Variants in GNA14 observed in about 807,000 individuals in gnomAD.
The protein encoded by GNA14 is guanine nucleotide-binding protein subunit alpha-14.
GNA14 carries 50 observed loss-of-function variants against 42.0 expected under a neutral mutation model. The observed-to-expected ratio is 1.19, with a 90% CI of 0.95 to 1.51. The LOEUF is 1.51. Ranked by LOEUF, GNA14 falls within the 40% of genes most tolerant of loss-of-function variation. The pLI is 0.00. For synonymous variants in GNA14, 173 were observed against 163.1 expected (o/e 1.06, Z -0.46); for missense variants, 473 against 446.2 (o/e 1.06, Z -0.54).
chr9:77,636,821 A>T (rs1443376047), intron 1 of GNA14, among the ~76,000 whole-genome samples: 1 of 152,216 alleles, frequency 6.6e-6, no homozygotes, highest in East Asian at 1.9e-4. Flanking sequence ...AATTTTCAAC[A>T]TGAGATTTGA....
intron 5 of GNA14, 104 bp downstream of exon 5, chr9:77,428,803 T>C (rs544835018): frequency 8.8e-7 from 1 of 1,141,160 alleles, no homozygotes; most frequent in Non-Finnish European, 1.3e-6. Context: ...AGCAAGACTG[T>C]TTGACCTAAT....
Position 77,489,509 on chromosome 9 carries a change from G to A in GNA14, c.309+39560C>T, listed in dbSNP as rs139011916. ...TCAAAAGCAAAGGACAAGTGTGTCC[G>A]GAATTGGTGGGTTCTTGGTTCCACT... is the stretch of plus-strand genomic sequence containing the variant. On this transcript the variant is annotated intron_variant, in intron 2 of 6. Coordinates refer to ENST00000341700, the MANE Select transcript of GNA14 (RefSeq NM_004297.4). Among the ~76,000 whole-genome samples, 13 of 152,338 alleles carry A rather than the reference G, an allele frequency of 8.5e-5. No individual in the cohort carries two copies. The South Asian group carries it at 1.7e-3, about 19-fold the overall frequency.
In GNA14 at chr9:77,431,375, A is replaced by C; in HGVS notation, c.539T>G (p.Val180Gly). 1 of 1,613,662 alleles carries C rather than the reference A, an allele frequency of 6.2e-7. No individual in the cohort carries two copies. Among genetic ancestry groups the C allele is most frequent in the African/African-American group, 1.3e-5 (1 of 75,034 alleles). ...ATACTCAATGATGCCGGTGGTGGGC[A>C]CTCGGACGCGAAGCACATCTTGTTG... ...PTQQDVLRVR[V>G]PTTGIIEYPF... Residue 180 changes from valine (V) to glycine (G), a missense_variant, in exon 4 of 7, where the codon GTG becomes GGG. Val to Gly is a moderately radical substitution (Grantham distance 109). Coordinates refer to ENST00000341700, the MANE Select transcript of GNA14 (RefSeq NM_004297.4).
At chr9:77,451,728 A>G (rs1835904794) in intron 2 of GNA14, among the ~76,000 whole-genome samples, 2 of 152,218 alleles carry the variant, frequency 1.3e-5, no homozygotes, top group Non-Finnish European at 2.9e-5. Context: ...GCCAACGTGC[A>G]GCAAAGCTGC....
chr9:77,448,694 T>C (rs1835861776), intron 2 of GNA14, among the ~76,000 whole-genome samples: 1 of 152,194 alleles, frequency 6.6e-6, no homozygotes, highest in African/African-American at 2.4e-5. Context: ...TCATCAGGCA[T>C]GCGTGTATGC....
chr9:77,552,624 A>G (rs185554081), intron 1 of GNA14, among the ~76,000 whole-genome samples: 34 of 152,340 alleles, frequency 2.2e-4, no homozygotes, highest in Admixed American at 1.8e-3. Flanking sequence ...TAAAGGAAAC[A>G]AATGTTACCA....
intron 1 of GNA14, among the ~76,000 whole-genome samples, chr9:77,599,791 C>T (rs1823526548): frequency 6.6e-6 from 1 of 152,094 alleles, no homozygotes; most frequent in Non-Finnish European, 1.5e-5. Flanking sequence ...CTCCATCACA[C>T]CAAGTTACAT....
At chr9:77,446,966 A>ATT (rs72399683) in intron 2 of GNA14, among the ~76,000 whole-genome samples, 26 of 146,168 alleles carry the variant, frequency 1.8e-4, no homozygotes, top group Middle Eastern at 3.3e-3. Flanking sequence ...TTCATGTACA[A>ATT]TTTTTTTTTT....
chr9:77,479,457 G>A (rs1836500452), intron 2 of GNA14, among the ~76,000 whole-genome samples: 1 of 152,174 alleles, frequency 6.6e-6, no homozygotes, highest in African/African-American at 2.4e-5. Context: ...CAGGTAGCAT[G>A]ATGCCTCCAG....
At chr9:77,548,551 C>A (rs138253910) in intron 1 of GNA14, among the ~76,000 whole-genome samples, 1 of 152,298 alleles carries the variant, frequency 6.6e-6, no homozygotes, top group Non-Finnish European at 1.5e-5. Context: ...TCTAGGAGGA[C>A]TTTTACAGAA....
chr9:77,446,807 T>A (rs930468637), intron 2 of GNA14, among the ~76,000 whole-genome samples: 3 of 152,204 alleles, frequency 2.0e-5, no homozygotes, highest in African/African-American at 7.2e-5. Context: ...GTTTTAACTT[T>A]AGTAAATTTT....
intron 2 of GNA14, among the ~76,000 whole-genome samples, chr9:77,493,002 GGAAAAAAAA>G (rs1418466346): frequency 2.3e-4 from 16 of 68,138 alleles, no homozygotes; most frequent in South Asian, 9.5e-4. Context: ...CTCCGTCTCA[GGAAAAAAAA>G]AAAAAAAAAA....
chr9:77,619,075 G>A (rs1344216880), intron 1 of GNA14, among the ~76,000 whole-genome samples: 1 of 151,906 alleles, frequency 6.6e-6, no homozygotes, highest in Non-Finnish European at 1.5e-5. Flanking sequence ...TATTTCCATT[G>A]GACAGCCCTG....
At position 77,615,833 on chromosome 9, in the gene GNA14, A is replaced by C. The variant is rs72732792; in HGVS notation, c.124+31837T>G. Among the ~76,000 whole-genome samples the C allele has an allele frequency of 6.1e-3, 908 of 150,000 alleles. 3 individuals are homozygous for C. The highest frequency in any genetic ancestry group is 8.8e-3 in the Non-Finnish European group (598 of 67,872). ...ACCTTCCAAGTCCAACAGAATCATCAGTTCTTTTGGTTTTTGTTTTTTTGT... is the reference window on the plus strand; with the variant it reads ...ACCTTCCAAGTCCAACAGAATCATCCGTTCTTTTGGTTTTTGTTTTTTTGT... On this transcript the variant is annotated intron_variant, in intron 1 of 6. Transcript: ENST00000341700.
intron 1 of GNA14, among the ~76,000 whole-genome samples, chr9:77,551,683 A>C (rs1233761176): frequency 6.6e-6 from 1 of 152,014 alleles, no homozygotes; most frequent in African/African-American, 2.4e-5. Flanking sequence ...CTCCTACTAG[A>C]TCTGAGCAGC....
intron 2 of GNA14, among the ~76,000 whole-genome samples, chr9:77,483,419 C>T (rs1465271726): frequency 6.6e-6 from 1 of 152,094 alleles, no homozygotes; most frequent in Non-Finnish European, 1.5e-5. Flanking sequence ...GCTGCCTGAT[C>T]GTTCCTCTGG....
intron 2 of GNA14, among the ~76,000 whole-genome samples, chr9:77,497,026 C>A (rs1234314140): frequency 6.6e-6 from 1 of 152,166 alleles, no homozygotes; most frequent in Non-Finnish European, 1.5e-5. Flanking sequence ...GTAATGTAAT[C>A]ACTGTCTTGA....
At chr9:77,613,491 T>C (rs565189453) in intron 1 of GNA14, among the ~76,000 whole-genome samples, 33 of 152,326 alleles carry the variant, frequency 2.2e-4, no homozygotes, top group Admixed American at 4.6e-4. Context: ...TAACTAACAA[T>C]AATACATTGT....
intron 2 of GNA14, among the ~76,000 whole-genome samples, chr9:77,520,380 T>C (rs182093273): frequency 1.3e-5 from 2 of 152,222 alleles, no homozygotes; most frequent in Non-Finnish European, 2.9e-5. Flanking sequence ...GTCGCCTTTT[T>C]ATCGCCAGAG....
Sources: allele counts gnomAD v4.1 joint callset (sites outside exome capture counted in the v4.1 genomes callset), GRCh38; gene constraint gnomAD v4.1.1; transcripts MANE v1.5; gene names NCBI Gene and HGNC (gene_info 2026-07-23, HGNC 2026-07-21).